Variants in SLC22A23 observed in about 807,000 individuals in gnomAD.
SLC22A23 encodes solute carrier family 22 member 23, also known as ion transporter protein.
Under a neutral mutation model 61.0 loss-of-function variants are expected in SLC22A23, and 26 were observed. The observed-to-expected ratio is 0.43, with a 90% CI of 0.31 to 0.59. SLC22A23 has a LOEUF of 0.59. Ranked by LOEUF, SLC22A23 falls within the 20% of genes least tolerant of loss-of-function variation. The pLI is 0.11. For synonymous variants in SLC22A23, 430 were observed against 413.9 expected, an observed-to-expected ratio of 1.04 and a Z score of -0.47; for missense variants, 796 against 934.7, an observed-to-expected ratio of 0.85 and a Z score of 1.94.
chr6:3,326,111 T>C (rs1399031144), intron 3 of SLC22A23, among the ~76,000 whole-genome samples: 3 of 152,252 alleles, frequency 2.0e-5, no homozygotes, highest in Admixed American at 6.5e-5. Context: ...GACCAGGTTC[T>C]AGGTTTGCGG....
At chr6:3,451,181 T>C (rs1172516304) in intron 1 of SLC22A23, among the ~76,000 whole-genome samples, 1 of 152,218 alleles carries the variant, frequency 6.6e-6, no homozygotes, top group African/African-American at 2.4e-5. Flanking sequence ...GTCAGAACAA[T>C]GCAGGATACA....
At chr6:3,307,227 C>T (rs746446789) in intron 4 of SLC22A23, among the ~76,000 whole-genome samples, 6 of 152,168 alleles carry the variant, frequency 3.9e-5, no homozygotes, top group Non-Finnish European at 8.8e-5. Flanking sequence ...TCACTGGCTC[C>T]GGGTCTCAGT....
rs1314054899 is a variant in SLC22A23, at chr6:3,330,564, G to A, written c.914-6562C>T. On this transcript the variant is annotated intron_variant, in intron 3 of 9. Coordinates refer to ENST00000406686, the MANE Select transcript of SLC22A23 (RefSeq NM_015482.2). This position sits in a 1 kb window ranked among gnomAD's most constrained non-coding sequence, Gnocchi z 4.7. ...ACACCACTCAATAATTACTGCCACA[G>A]GCAAGGACGCATGGCCCCCAGAATC... Among the ~76,000 whole-genome samples, 8 of 152,234 alleles carry A rather than the reference G, an allele frequency of 5.3e-5. No homozygotes were observed. Among genetic ancestry groups the A allele is most frequent in the Admixed American group, 5.2e-4 (8 of 15,288 alleles).
intron 1 of SLC22A23, chr6:3,438,683 T>G: frequency 2.7e-6 from 1 of 374,586 alleles, no homozygotes; most frequent in South Asian, 2.0e-5. Flanking sequence ...TTATTCTAAG[T>G]AGAGGTTCAA....
intron 3 of SLC22A23, among the ~76,000 whole-genome samples, chr6:3,374,373 A>G (rs1011295010): frequency 6.6e-6 from 1 of 152,202 alleles, no homozygotes; most frequent in African/African-American, 2.4e-5. Context: ...GAGGCCTGTG[A>G]TGACAGGCAG....
rs375435414 is a variant in SLC22A23 at position 3,286,500 on chromosome 6, A to G, written c.1546+359T>C. Among the ~76,000 whole-genome samples the G allele has an allele frequency of 6.6e-6, 1 of 152,386 alleles. No homozygotes were observed. The highest frequency in any genetic ancestry group is 6.5e-5 in the Admixed American group (1 of 15,310). ...AGCAGGGCCCTAATGCAAGGGTGAC[A>G]AAACAGATTTATTTCCCCCTTAATG... On this transcript the variant is annotated intron_variant, in intron 7 of 9. Transcript: ENST00000406686. This position sits in a 1 kb window ranked among gnomAD's most constrained non-coding sequence, Gnocchi z 4.2.
At chr6:3,419,306 T>C (rs994524910) in intron 1 of SLC22A23, among the ~76,000 whole-genome samples, 1 of 152,106 alleles carries the variant, frequency 6.6e-6, no homozygotes, top group Admixed American at 6.5e-5. Flanking sequence ...CACCCCGATT[T>C]ATAGGGATGG....
intron 9 of SLC22A23, among the ~76,000 whole-genome samples, chr6:3,281,752 G>A (rs940810291): frequency 3.3e-5 from 5 of 152,054 alleles, no homozygotes; most frequent in East Asian, 1.9e-4. Context: ...CCGATGGCAC[G>A]GGTGAAAAGG....
At position 3,329,449 on chromosome 6, in the gene SLC22A23, G is replaced by A. The variant is rs1484503173; in HGVS notation, c.914-5447C>T. Among the ~76,000 whole-genome samples, 1 of 152,186 alleles carries A rather than the reference G, an allele frequency of 6.6e-6. No individual in the cohort carries two copies. The highest frequency in any genetic ancestry group is 1.5e-5 in the Non-Finnish European group (1 of 68,028). ...GATTTTTCTGGACTGGAGTTGGCAA[G>A]TAACAAAGGAATATATTAAGTTGAC... On this transcript the variant is annotated intron_variant, in intron 3 of 9. Transcript: ENST00000406686. The surrounding 1 kb of genome is among the most constrained non-coding windows in gnomAD (Gnocchi z 4.8).
chr6:3,343,940 C>T (rs1764285559), intron 3 of SLC22A23, among the ~76,000 whole-genome samples: 1 of 152,184 alleles, frequency 6.6e-6, no homozygotes, highest in Non-Finnish European at 1.5e-5. Context: ...ATTTTAGATT[C>T]GATTCGCTTA....
Position 3,329,359 on chromosome 6 carries a change from T to TAGAG in SLC22A23, c.914-5361_914-5358dup, listed in dbSNP as rs1205621534. Among the ~76,000 whole-genome samples, 1 of 152,224 alleles carries TAGAG rather than the reference T, an allele frequency of 6.6e-6. No individual in the cohort carries two copies. The highest frequency in any genetic ancestry group is 2.4e-5 in the African/African-American group (1 of 41,466). The stretch of plus-strand genomic sequence containing the variant: ...AGAAACTCTTGAATGCTTATGACCA[T>TAGAG]AGAGAGAATATACATTTTCTTGGGA... On this transcript the variant is annotated intron_variant, in intron 3 of 9. Transcript: ENST00000406686. This position sits in a 1 kb window ranked among gnomAD's most constrained non-coding sequence, Gnocchi z 4.8.
At chr6:3,415,289 G>T (rs975458681) in intron 2 of SLC22A23, among the ~76,000 whole-genome samples, 8 of 152,180 alleles carry the variant, frequency 5.3e-5, no homozygotes, top group African/African-American at 1.9e-4. Context: ...GCCAAGGACT[G>T]CCCCTCTCCA....
chr6:3,399,672 C>T (rs935871556), intron 3 of SLC22A23, among the ~76,000 whole-genome samples: 2 of 152,178 alleles, frequency 1.3e-5, no homozygotes, highest in Non-Finnish European at 2.9e-5. Context: ...AGGTTGCATA[C>T]AGATAAGATA....
chr6:3,310,833 A>G (rs376729131), intron 4 of SLC22A23, among the ~76,000 whole-genome samples: 2 of 152,240 alleles, frequency 1.3e-5, no homozygotes, highest in African/African-American at 4.8e-5. Flanking sequence ...ACGCACGTCT[A>G]CCCTCTTTAA....
chr6:3,414,123 G>A lies in SLC22A23; in HGVS notation c.758+1629C>T, dbSNP rs1179181317. 6.6e-6 allele frequency among the ~76,000 whole-genome samples: 1 copy of A among 152,098 alleles called. No homozygotes were observed. Among genetic ancestry groups the A allele is most frequent in the South Asian group, 2.1e-4 (1 of 4,824 alleles). On this transcript the variant is annotated intron_variant, in intron 2 of 9. Transcript: ENST00000406686. This position sits in a 1 kb window ranked among gnomAD's most constrained non-coding sequence, Gnocchi z 5.1. Reference sequence around the variant, plus strand: ...TAAACAATTTAAACTGTTACAGACTGGTTCATTCATAAAAGTCGATTTTTA... The same window carrying A: ...TAAACAATTTAAACTGTTACAGACTAGTTCATTCATAAAAGTCGATTTTTA...
At chr6:3,325,555 C>T (rs1231788934) in intron 3 of SLC22A23, among the ~76,000 whole-genome samples, 1 of 152,340 alleles carries the variant, frequency 6.6e-6, no homozygotes, top group Non-Finnish European at 1.5e-5. Context: ...GATTAAATGG[C>T]TCACTCTCAG....
chr6:3,350,118 A>C (rs1668852545), intron 3 of SLC22A23, among the ~76,000 whole-genome samples: 1 of 152,182 alleles, frequency 6.6e-6, no homozygotes, highest in South Asian at 2.1e-4. Context: ...CACACACCCC[A>C]AATTTTCATG....
At chr6:3,388,778 C>T (rs1171864496) in intron 3 of SLC22A23, among the ~76,000 whole-genome samples, 1 of 152,122 alleles carries the variant, frequency 6.6e-6, no homozygotes. Context: ...GTGTGATGAA[C>T]CTTGAAGACA....
intron 9 of SLC22A23, among the ~76,000 whole-genome samples, chr6:3,280,460 G>C (rs560817381): frequency 2.4e-5 from 1 of 42,214 alleles, no homozygotes; most frequent in African/African-American, 4.8e-5. Flanking sequence ...CTCAGTACTT[G>C]TTTTCAGATG....
Sources: gnomAD v4.1 joint callset for allele counts (sites outside exome capture counted in the v4.1 genomes callset) on GRCh38, gnomAD v4.1.1 for gene constraint, Gnocchi (gnomAD v3.1) non-coding constraint, MANE v1.5 for transcripts, NCBI Gene and HGNC (gene_info 2026-07-23, HGNC 2026-07-21) for gene names.